CLASP1: variants seen among roughly 807,000 people sequenced by gnomAD.
CLASP1 encodes the protein CLIP-associating protein 1.
In CLASP1, 38 loss-of-function variants were observed where a neutral mutation model predicts 192.3. That is an observed-to-expected ratio of 0.20 (90% CI 0.15 to 0.26). The LOEUF (loss-of-function observed/expected upper bound fraction) is 0.26. Among genes scored for constraint, CLASP1 ranks in the 10% least tolerant of loss-of-function variants. The pLI, the probability that CLASP1 is intolerant of heterozygous loss-of-function variation, is 1.00. For synonymous variants in CLASP1, 691 were observed against 712.8 expected (o/e 0.97, Z 0.49); for missense variants, 1,433 against 1,932.5 (o/e 0.74, Z 4.85).
chr2:121,407,774 T>A, intron 24 of CLASP1, 59 bp from the exon 26 acceptor site: 1 of 1,596,524 alleles, frequency 6.3e-7, no homozygotes, highest in Non-Finnish European at 8.6e-7. Context: ...GTGAAATGAC[T>A]GTGAGTCACA....
chr2:121,460,840 G>C (rs1404325284), intron 11 of CLASP1, among the ~76,000 whole-genome samples: 2 of 152,154 alleles, frequency 1.3e-5, no homozygotes, highest in African/African-American at 4.8e-5. Context: ...GCTAAGGTGA[G>C]AGTGGAGACT....
chr2:121,475,406 A>C lies in CLASP1; in HGVS notation c.713-5446T>G, dbSNP rs541830436. ...AGGCTGGGTCATCAGAAAGGTACCT[A>C]GTTTCAGTTAACTGGGAAATTCCAC... On this transcript the variant is annotated intron_variant, in intron 8 of 39. Transcript: ENST00000263710. Among the ~76,000 whole-genome samples, 19 of 152,318 alleles carry C rather than the reference A, an allele frequency of 1.2e-4. No homozygotes were observed. The South Asian group carries it at 3.9e-3, about 32-fold the overall frequency.
intron 2 of CLASP1, among the ~76,000 whole-genome samples, chr2:121,582,239 G>T (rs2105588649): frequency 6.6e-6 from 1 of 151,202 alleles, no homozygotes; most frequent in East Asian, 1.9e-4. Context: ...CAGAGGGAGG[G>T]AAGGAGGACA....
At chr2:121,390,851 T>A (rs2074220299) in intron 30 of CLASP1, among the ~76,000 whole-genome samples, 1 of 152,088 alleles carries the variant, frequency 6.6e-6, no homozygotes, top group Non-Finnish European at 1.5e-5. Context: ...GGTCTTGCTA[T>A]GTTGCCCAGG....
chr2:121,411,717 A>C (rs114226662), intron 23 of CLASP1, among the ~76,000 whole-genome samples: 1 of 152,194 alleles, frequency 6.6e-6, no homozygotes, highest in African/African-American at 2.4e-5. Flanking sequence ...AAGTATTTTA[A>C]GCTTACTTGT....
chr2:121,423,089 A>G (rs2079787558), intron 22 of CLASP1, among the ~76,000 whole-genome samples: 1 of 152,156 alleles, frequency 6.6e-6, no homozygotes, highest in African/African-American at 2.4e-5. Context: ...TCTCTAAGCA[A>G]TACCACAGGA....
At chr2:121,631,642 G>A (rs2069678412) in intron 1 of CLASP1, among the ~76,000 whole-genome samples, 1 of 151,936 alleles carries the variant, frequency 6.6e-6, no homozygotes, top group African/African-American at 2.4e-5. Flanking sequence ...CAGGCACAGT[G>A]GCTCACACCT....
chr2:121,410,708 A>G (rs2077579633), intron 24 of CLASP1, 158 bp downstream of exon 25: 3 of 553,962 alleles, frequency 5.4e-6, no homozygotes, highest in Non-Finnish European at 6.3e-6. Flanking sequence ...TTTAAGGGGC[A>G]AACAATAACA....
At chr2:121,531,264 A>G (rs2094858271) in intron 2 of CLASP1, among the ~76,000 whole-genome samples, 1 of 152,180 alleles carries the variant, frequency 6.6e-6, no homozygotes, top group South Asian at 2.1e-4. Flanking sequence ...AAGTTTCAAT[A>G]GGAGACGAAG....
intron 32 of CLASP1, among the ~76,000 whole-genome samples, chr2:121,386,908 A>G (rs1415348117): frequency 1.3e-5 from 2 of 152,220 alleles, no homozygotes; most frequent in African/African-American, 4.8e-5. Context: ...GAACGAGAGA[A>G]CATTCAGCAC....
At chr2:121,375,356 T>G (rs1351160255) in intron 34 of CLASP1, among the ~76,000 whole-genome samples, 1 of 150,444 alleles carries the variant, frequency 6.6e-6, no homozygotes, top group Non-Finnish European at 1.5e-5. Flanking sequence ...ATTACCTAGT[T>G]TCTGATTTTT....
chr2:121,445,648 G>A (rs568793265), intron 19 of CLASP1, among the ~76,000 whole-genome samples: 6 of 152,340 alleles, frequency 3.9e-5, no homozygotes, highest in Admixed American at 2.0e-4. Context: ...AATAAGGGAA[G>A]TTGAGGTAGA....
At chr2:121,414,428 C>T (rs963992288) in intron 23 of CLASP1, among the ~76,000 whole-genome samples, 5 of 152,128 alleles carry the variant, frequency 3.3e-5, no homozygotes, top group South Asian at 2.1e-4. Context: ...ACAACAAAGG[C>T]GCTCTTAAAG....
chr2:121,396,796 T>TA (rs772498810), intron 30 of CLASP1, among the ~76,000 whole-genome samples: 10 of 152,202 alleles, frequency 6.6e-5, no homozygotes, highest in Non-Finnish European at 1.5e-4. Context: ...AGGGACCCTG[T>TA]AGCCAGCTAG....
chr2:121,579,106 A>G (rs1465255196), intron 2 of CLASP1, among the ~76,000 whole-genome samples: 1 of 152,246 alleles, frequency 6.6e-6, no homozygotes, highest in Non-Finnish European at 1.5e-5. Context: ...CCGTCACATC[A>G]TAACAACATT....
chr2:121,646,775 C>T (rs897042800), intron 1 of CLASP1, among the ~76,000 whole-genome samples: 3 of 152,116 alleles, frequency 2.0e-5, no homozygotes, highest in African/African-American at 4.8e-5. Context: ...TGGTGGCTCA[C>T]GCCTGTAATC....
intron 4 of CLASP1, among the ~76,000 whole-genome samples, 181 bp downstream of exon 4, chr2:121,528,496 T>C (rs2094641799): frequency 1.3e-5 from 2 of 152,268 alleles, no homozygotes; most frequent in Admixed American, 6.5e-5. Flanking sequence ...TCTCATAGTT[T>C]TGTGACTTAT....
At chr2:121,524,062 C>T (rs1383056362) in intron 6 of CLASP1, among the ~76,000 whole-genome samples, 1 of 152,144 alleles carries the variant, frequency 6.6e-6, no homozygotes, top group Non-Finnish European at 1.5e-5. Flanking sequence ...GTTGCCCCAC[C>T]ACAGAAGTGC....
chr2:121,560,752 T>C (rs2059007725), intron 2 of CLASP1, among the ~76,000 whole-genome samples: 1 of 152,234 alleles, frequency 6.6e-6, no homozygotes, highest in African/African-American at 2.4e-5. Context: ...TGTGTACGTT[T>C]CACAATTTTC....
Sources: gnomAD v4.1 joint callset for allele counts (sites outside exome capture counted in the v4.1 genomes callset) on GRCh38, gnomAD v4.1.1 for gene constraint, MANE v1.5 for transcripts, NCBI Gene and HGNC (gene_info 2026-07-23, HGNC 2026-07-21) for gene names.